The following SLA2 variants were observed in gnomAD, a reference collection of about 807,000 sequenced individuals.
SLA2 encodes src-like-adapter 2.
A neutral mutation model predicts 27.3 loss-of-function variants in SLA2; 22 were observed. The observed-to-expected ratio is 0.81, with a 90% CI of 0.58 to 1.15. The LOEUF (loss-of-function observed/expected upper bound fraction) is 1.15. Ranked by LOEUF, SLA2 falls within the 50% of genes most tolerant of loss-of-function variation. The pLI is 0.00. For synonymous variants in SLA2, 131 were observed against 137.8 expected, an observed-to-expected ratio of 0.95 and a Z score of 0.34; for missense variants, 304 against 322.2, an observed-to-expected ratio of 0.94 and a Z score of 0.43.
At chr20:36,621,822 C>T (rs2039286206) in intron 5 of SLA2, among the ~76,000 whole-genome samples, 1 of 151,790 alleles carries the variant, frequency 6.6e-6, no homozygotes, top group Non-Finnish European at 1.5e-5. Flanking sequence ...TTGAGACAAG[C>T]CTGGATAACA....
chr20:36,641,273 T>A lies in SLA2; in HGVS notation c.63A>T (p.Gln21His). 2 of 1,614,082 alleles carry A rather than the reference T, an allele frequency of 1.2e-6. No homozygotes were observed. The highest frequency in any genetic ancestry group is 1.7e-6 in the Non-Finnish European group (2 of 1,179,946). ...LPSPSLSSSV[Q>H]GQGPVTMEAE... ...CTTCCATGGTCACAGGTCCCTGGCC[T>A]TGGACAGAGGAACTCAAGCTTGGGC... Residue 21 changes from glutamine (Q) to histidine (H), a missense_variant, in exon 2 of 8, where the codon CAA becomes CAT. Physicochemically the swap from Gln to His is conservative, Grantham distance 24. Transcript: ENST00000262866.
At chr20:36,617,958 T>A (rs995593302) in intron 5 of SLA2, among the ~76,000 whole-genome samples, 1 of 150,716 alleles carries the variant, frequency 6.6e-6, no homozygotes, top group African/African-American at 2.4e-5. Flanking sequence ...TCATCCTGGC[T>A]AACACGGTGA....
intron 6 of SLA2, chr20:36,614,727 A>G (rs1026337789): frequency 1.0e-6 from 1 of 985,352 alleles, no homozygotes; most frequent in Admixed American, 6.1e-5. Context: ...AGGAATGCTC[A>G]GTCTACTTCT....
intron 1 of SLA2, among the ~76,000 whole-genome samples, chr20:36,644,867 T>C (rs1267309842): frequency 9.4e-6 from 1 of 106,716 alleles, no homozygotes; most frequent in Non-Finnish European, 1.8e-5. Flanking sequence ...CAGAATATTG[T>C]GTTTTTTTTT....
rs555970714 is a variant in SLA2, at chr20:36,619,539, G to T, written c.383-4165C>A. Among the ~76,000 whole-genome samples, 125 of 151,742 alleles carry T rather than the reference G, an allele frequency of 8.2e-4. 1 individual carries two copies. The highest frequency in any genetic ancestry group is 2.9e-3 in the African/African-American group (119 of 41,402). The stretch of plus-strand genomic sequence containing the variant: ...AGACTCTGTGTCAAAAAAAAAATTG[G>T]AGAGACTGAAGTGGGAGGGTCACTT... On this transcript the variant is annotated intron_variant, in intron 5 of 7. Transcript: ENST00000262866.
In SLA2 at chr20:36,615,337, T is replaced by C. The variant is rs34232664; in HGVS notation, c.420A>G (p.Ala140=). ...YSLSVRLSRP[A]SWDRIRHYRI... Reference sequence around the variant, plus strand: ...TGTAGTGTCTGATCCGGTCCCAGGATGCAGGGCGGCTGAGGCGGACTGACA... The same window carrying C: ...TGTAGTGTCTGATCCGGTCCCAGGACGCAGGGCGGCTGAGGCGGACTGACA... The change falls in exon 6 of 8, where the codon GCA becomes GCG. Residue 140 remains alanine, a synonymous_variant. Coordinates refer to ENST00000262866, the MANE Select transcript of SLA2 (RefSeq NM_032214.4). 1.2e-3 allele frequency: 1,913 copies of C among 1,614,076 alleles called. 20 individuals carry two copies. The African/African-American group carries it at 0.023, about 19-fold the overall frequency.
intron 2 of SLA2, among the ~76,000 whole-genome samples, chr20:36,636,057 G>A (rs2039441483): frequency 1.3e-5 from 2 of 152,140 alleles, no homozygotes; most frequent in African/African-American, 2.4e-5. Context: ...GTCATGGACT[G>A]TGCCAGTCTT....
intron 5 of SLA2, among the ~76,000 whole-genome samples, chr20:36,630,551 G>A (rs183206754): frequency 1.3e-5 from 2 of 152,272 alleles, no homozygotes; most frequent in Admixed American, 6.5e-5. Context: ...AGGTGTGGCT[G>A]GGTTTGAATC....
At chr20:36,615,467 G>A in intron 5 of SLA2, 93 bp from the exon 6 acceptor site, 1 of 1,486,202 alleles carries the variant, frequency 6.7e-7, no homozygotes, top group South Asian at 1.2e-5. Context: ...CGTGACCATG[G>A]GGCCCCGGCA....
At position 36,634,498 on chromosome 20, in the gene SLA2, G is replaced by A. The variant is rs754478813; in HGVS notation, c.183C>T (p.Ile61=). 25 of 1,608,286 alleles carry A rather than the reference G, an allele frequency of 1.6e-5. No individual in the cohort carries two copies. Among genetic ancestry groups the A allele is most frequent in the East Asian group, 4.5e-5 (2 of 44,624 alleles). Reference sequence around the variant, plus strand: ...AGTGCCCATGGACTTACTCAGAGACGATGGTCAATGGCTCCCCGAGTCTCA... The same window carrying A: ...AGTGCCCATGGACTTACTCAGAGACAATGGTCAATGGCTCCCCGAGTCTCA... ...LSLRLGEPLT[I]VSEDGDWWTV... is the part of the protein sequence containing the mutation. Residue 61 remains isoleucine, a synonymous_variant, in exon 3 of 8, where the codon ATC becomes ATT. Coordinates refer to ENST00000262866, the MANE Select transcript of SLA2 (RefSeq NM_032214.4).
intron 5 of SLA2, among the ~76,000 whole-genome samples, chr20:36,627,097 G>GGGAGGGGTATGTGTAAGGAT (rs2039347283): frequency 6.6e-6 from 1 of 152,170 alleles, no homozygotes; most frequent in Non-Finnish European, 1.5e-5. Context: ...TCCAGATGGA[G>GGGAGGGGTATGTGTAAGGAT]GGAGGGGTAT....
At chr20:36,640,494 T>G (rs375542095) in intron 2 of SLA2, among the ~76,000 whole-genome samples, 4 of 150,294 alleles carry the variant, frequency 2.7e-5, no homozygotes, top group Non-Finnish European at 4.4e-5. Flanking sequence ...GTGGCTGGGG[T>G]GATGAAAGAC....
intron 5 of SLA2, among the ~76,000 whole-genome samples, chr20:36,622,414 AT>A (rs1347883654): frequency 4.0e-5 from 6 of 150,538 alleles, no homozygotes; most frequent in Non-Finnish European, 7.4e-5. Flanking sequence ...CAGAAAAATC[AT>A]TTGACAAAAT....
At chr20:36,615,143 G>A in intron 6 of SLA2, 82 bp downstream of exon 6, 1 of 1,596,558 alleles carries the variant, frequency 6.3e-7, no homozygotes, top group South Asian at 1.1e-5. Flanking sequence ...CTCCACAGTA[G>A]GTAAAATATC....
chr20:36,623,028 G>T (rs1470280330), intron 5 of SLA2, among the ~76,000 whole-genome samples: 1 of 152,104 alleles, frequency 6.6e-6, no homozygotes, highest in Non-Finnish European at 1.5e-5. Context: ...CAACACTTTG[G>T]GAGGCCGAGG....
In SLA2 at chr20:36,635,927, T is replaced by C. The variant is rs561075857; in HGVS notation, c.92-1338A>G. On this transcript the variant is annotated intron_variant, in intron 2 of 7. Coordinates refer to ENST00000262866, the MANE Select transcript of SLA2 (RefSeq NM_032214.4). ...GTCCCTTCTTTCAGGAAGCCTTCCC[T>C]GACCAACCACCTCTGCACACACTCT... Among the ~76,000 whole-genome samples the C allele has an allele frequency of 2.6e-5, 4 of 152,136 alleles. No individual in the cohort carries two copies. The East Asian group carries it at 5.8e-4, about 22-fold the overall frequency.
intron 1 of SLA2, among the ~76,000 whole-genome samples, chr20:36,643,036 CATTT>C (rs762170292): frequency 1.1e-4 from 17 of 152,290 alleles, no homozygotes; most frequent in Admixed American, 5.2e-4. Context: ...TTTCATCATT[CATTT>C]GAGAGTTTAC....
chr20:36,623,266 CAAAAAAAAAAA>C lies in SLA2; in HGVS notation c.383-7903_383-7893del, dbSNP rs776399343. On this transcript the variant is annotated intron_variant, in intron 5 of 7. Coordinates refer to ENST00000262866, the MANE Select transcript of SLA2 (RefSeq NM_032214.4). ...TGGGTGACAGAGTGACATTACATCT[CAAAAAAAAAAA>C]AAAAAAAAAAAAATCGACAGCATGC... is the stretch of plus-strand genomic sequence containing the variant. Among the ~76,000 whole-genome samples the C allele has an allele frequency of 5.4e-4, 28 of 52,112 alleles. No homozygotes were observed. In the East Asian group the frequency reaches 6.3e-3, roughly 12 times the overall value. 34.2% of individuals were successfully genotyped at this position (52,112 alleles called of 152,430 possible). A position where few individuals can be genotyped will look rare whatever the true frequency, so the allele number is the denominator to read the frequency against.
At chr20:36,642,669 T>A (rs917854920) in intron 1 of SLA2, among the ~76,000 whole-genome samples, 3 of 152,032 alleles carry the variant, frequency 2.0e-5, no homozygotes, top group African/African-American at 7.2e-5. Flanking sequence ...CACTGCAACT[T>A]CCGCCTCCTG....
Sources: allele counts gnomAD v4.1 joint callset (sites outside exome capture counted in the v4.1 genomes callset), GRCh38; gene constraint gnomAD v4.1.1; transcripts MANE v1.5; gene names NCBI Gene and HGNC (gene_info 2026-07-23, HGNC 2026-07-21).